STPG2: variants seen among roughly 807,000 people sequenced by gnomAD.
STPG2 encodes sperm-tail PG-rich repeat-containing protein 2.
Under a neutral mutation model 54.2 loss-of-function variants are expected in STPG2, and 56 were observed. The ratio of observed to expected loss-of-function variants is 1.03; its 90% CI spans 0.83 to 1.29. STPG2 has a LOEUF of 1.29. STPG2 is among the 50% of genes most tolerant of loss of function. The probability of loss-of-function intolerance (pLI) is 0.00; values close to 1 mark genes in which losing one functional copy is unlikely to be tolerated. For synonymous variants in STPG2, 200 were observed against 181.8 expected, an observed-to-expected ratio of 1.10 and a Z score of -0.81; for missense variants, 596 against 544.9, an observed-to-expected ratio of 1.09 and a Z score of -0.93.
At chr4:98,024,050 C>T (rs1736331949) in intron 5 of STPG2, among the ~76,000 whole-genome samples, 2 of 152,184 alleles carry the variant, frequency 1.3e-5, no homozygotes, top group African/African-American at 4.8e-5. Flanking sequence ...CCTGCACCCA[C>T]TGTCTGGCAC....
intron 5 of STPG2, among the ~76,000 whole-genome samples, chr4:98,053,726 T>C (rs1035779883): frequency 6.6e-6 from 1 of 152,130 alleles, no homozygotes; most frequent in African/African-American, 2.4e-5. Context: ...TGTGGAAACA[T>C]TAACTGGTTT....
intron 5 of STPG2, among the ~76,000 whole-genome samples, chr4:98,067,866 T>C (rs2110104928): frequency 6.6e-6 from 1 of 152,282 alleles, no homozygotes; most frequent in Middle Eastern, 3.4e-3. Context: ...CTCTCATTCT[T>C]AAGTCTCTGT....
At chr4:97,631,466 G>C (rs1721276285) in intron 10 of STPG2, among the ~76,000 whole-genome samples, 1 of 152,032 alleles carries the variant, frequency 6.6e-6, no homozygotes, top group East Asian at 1.9e-4. Context: ...TGAGAATTAA[G>C]AATATATTCT....
intron 8 of STPG2, among the ~76,000 whole-genome samples, chr4:97,925,986 C>T (rs968925552): frequency 6.6e-6 from 1 of 152,120 alleles, no homozygotes; most frequent in Non-Finnish European, 1.5e-5. Context: ...CCTTAGTGTT[C>T]CTTCACCTTT....
At chr4:98,142,524 TGAAG>T (rs1740327894) in intron 1 of STPG2, among the ~76,000 whole-genome samples, 1 of 151,862 alleles carries the variant, frequency 6.6e-6, no homozygotes, top group Admixed American at 6.6e-5. Flanking sequence ...GGGGCTCCCC[TGAAG>T]TGTGTTAAAA....
intron 4 of STPG2, among the ~76,000 whole-genome samples, chr4:97,468,046 C>T (rs1234205985): frequency 1.3e-5 from 2 of 151,744 alleles, no homozygotes; most frequent in East Asian, 3.9e-4. Flanking sequence ...AACAATTAAT[C>T]CAGTGATTAA....
At chr4:97,466,077 T>C (rs1290458060) in intron 4 of STPG2, among the ~76,000 whole-genome samples, 1 of 152,102 alleles carries the variant, frequency 6.6e-6, no homozygotes, top group Non-Finnish European at 1.5e-5. Flanking sequence ...TCCAGGGTTT[T>C]AAATAAATCC....
At position 98,134,438 on chromosome 4, in the gene STPG2, G is replaced by T; in HGVS notation, c.131C>A (p.Ser44Tyr). The change falls in exon 2 of 11, where the codon TCT becomes TAT. Residue 44 changes from serine (S) to tyrosine (Y), a missense_variant. Physicochemically the swap from Ser to Tyr is moderately radical, Grantham distance 144. Coordinates refer to ENST00000295268, the MANE Select transcript of STPG2 (RefSeq NM_174952.3). ...AAAAGTACTTTCTCTGGCAGTCAAA[G>T]AAAGAAATGGTGCATTACTACCTAT... is the stretch of plus-strand genomic sequence containing the variant. ...QATGSNAPFL[S>Y]LTARESTFTI... 6.3e-7 allele frequency: 1 copy of T among 1,582,126 alleles called. No homozygotes were observed. Among genetic ancestry groups the T allele is most frequent in the Non-Finnish European group, 8.6e-7 (1 of 1,161,502 alleles).
At chr4:97,467,424 C>T (rs1729814432) in intron 4 of STPG2, among the ~76,000 whole-genome samples, 1 of 151,732 alleles carries the variant, frequency 6.6e-6, no homozygotes, top group Admixed American at 6.6e-5. Flanking sequence ...TCATTCAATA[C>T]TAATGGCAAG....
At chr4:97,676,813 C>G (rs1156700497) in intron 10 of STPG2, among the ~76,000 whole-genome samples, 1 of 152,118 alleles carries the variant, frequency 6.6e-6, no homozygotes, top group African/African-American at 2.4e-5. Flanking sequence ...AAATTTAAAT[C>G]ATTAGCTGCA....
At chr4:97,658,617 T>A (rs1722286046) in intron 10 of STPG2, among the ~76,000 whole-genome samples, 1 of 152,196 alleles carries the variant, frequency 6.6e-6, no homozygotes, top group Non-Finnish European at 1.5e-5. Context: ...GTAGTCACAT[T>A]TCCTGCATAA....
intron 8 of STPG2, among the ~76,000 whole-genome samples, chr4:97,859,335 C>A (rs919323382): frequency 1.3e-5 from 2 of 152,066 alleles, no homozygotes; most frequent in Non-Finnish European, 2.9e-5. Flanking sequence ...AATATTTTCT[C>A]TTTTCTCCCA....
At chr4:98,130,991 C>T (rs529358866) in intron 2 of STPG2, among the ~76,000 whole-genome samples, 2 of 150,504 alleles carry the variant, frequency 1.3e-5, no homozygotes, top group South Asian at 4.3e-4. Flanking sequence ...GTCTCTATTC[C>T]TACAACTCTC....
chr4:98,108,553 G>C (rs567872321), intron 4 of STPG2, among the ~76,000 whole-genome samples: 1 of 152,084 alleles, frequency 6.6e-6, no homozygotes, highest in Non-Finnish European at 1.5e-5. Context: ...CTGAAGATGA[G>C]AGCCAGGGAT....
intron 10 of STPG2, among the ~76,000 whole-genome samples, chr4:97,637,732 T>C (rs2148941371): frequency 6.6e-6 from 1 of 152,176 alleles, no homozygotes; most frequent in South Asian, 2.1e-4. Context: ...ATGAGTGAAC[T>C]CCCATTCACA....
At chr4:97,677,324 G>A (rs561438712) in intron 10 of STPG2, among the ~76,000 whole-genome samples, 50 of 152,220 alleles carry the variant, frequency 3.3e-4, no homozygotes, top group African/African-American at 1.2e-3. Context: ...CTTAGCAGGT[G>A]ATGCAGAACC....
chr4:98,069,959 A>G (rs563218534), intron 5 of STPG2, among the ~76,000 whole-genome samples: 1 of 152,178 alleles, frequency 6.6e-6, no homozygotes, highest in Admixed American at 6.5e-5. Context: ...TCAGAGGTAC[A>G]AAAAAGAGCT....
intron 5 of STPG2, among the ~76,000 whole-genome samples, chr4:98,104,462 T>C (rs949458195): frequency 6.6e-6 from 1 of 152,152 alleles, no homozygotes; most frequent in Non-Finnish European, 1.5e-5. Flanking sequence ...AAAAAGTGAT[T>C]CTTCTGATTT....
At chr4:97,618,333 T>G (rs1233163312) in intron 10 of STPG2, among the ~76,000 whole-genome samples, 1 of 152,142 alleles carries the variant, frequency 6.6e-6, no homozygotes, top group African/African-American at 2.4e-5. Context: ...TGTCAAGTCT[T>G]TAGATTATAT....
Sources: gnomAD v4.1 joint callset for allele counts (sites outside exome capture counted in the v4.1 genomes callset) on GRCh38, gnomAD v4.1.1 for gene constraint, MANE v1.5 for transcripts, NCBI Gene and HGNC (gene_info 2026-07-23, HGNC 2026-07-21) for gene names.